KPNB1: variants seen among roughly 807,000 people sequenced by gnomAD.
KPNB1 encodes importin subunit beta-1.
Under a neutral mutation model 113.0 loss-of-function variants are expected in KPNB1, and 7 were observed. The ratio of observed to expected loss-of-function variants is 0.06; its 90% CI spans 0.04 to 0.12. The LOEUF (loss-of-function observed/expected upper bound fraction) is 0.12, where lower values mean the gene tolerates loss of function less well. KPNB1 is among the 10% of genes least tolerant of loss of function. KPNB1 has a pLI of 1.00. For synonymous variants in KPNB1, 363 were observed against 378.6 expected, an observed-to-expected ratio of 0.96 and a Z score of 0.48; for missense variants, 400 against 1,054.8, an observed-to-expected ratio of 0.38 and a Z score of 8.60.
At chr17:47,666,687 C>T (rs1001547794) in intron 9 of KPNB1, among the ~76,000 whole-genome samples, 6 of 149,066 alleles carry the variant, frequency 4.0e-5, no homozygotes, top group African/African-American at 9.9e-5. Context: ...GGTGCGACCT[C>T]GGCTCACTGT....
intron 19 of KPNB1, 133 bp from the exon 20 acceptor site, chr17:47,679,887 C>T (rs1379712597): frequency 3.3e-6 from 2 of 613,036 alleles, no homozygotes; most frequent in South Asian, 1.8e-5. Flanking sequence ...TTAGTAGAGA[C>T]GGGGTTTCAC....
Position 47,677,055 on chromosome 17 carries a change from G to A in KPNB1, c.2031G>A (p.Leu677=). 1 of 1,614,062 alleles carries A rather than the reference G, an allele frequency of 6.2e-7. No homozygotes were observed. The highest frequency in any genetic ancestry group is 8.5e-7 in the Non-Finnish European group (1 of 1,180,010). Residue 677 remains leucine, a synonymous_variant, in exon 17 of 22, where the codon TTG becomes TTA. Coordinates refer to ENST00000290158, the MANE Select transcript of KPNB1 (RefSeq NM_002265.6). ...CAGCTGTGGGCTTAGTGGGAGACTT[G>A]TGCCGTGCCCTGCAATCCAACATCA... ...CLAAVGLVGD[L]CRALQSNIIP...
At chr17:47,658,292 C>G (rs1198467153) in intron 4 of KPNB1, among the ~76,000 whole-genome samples, 2 of 152,058 alleles carry the variant, frequency 1.3e-5, no homozygotes, top group South Asian at 2.1e-4. Context: ...ATACCTAATT[C>G]AATGTAAATG....
chr17:47,666,129 G>A (rs2030259857), intron 9 of KPNB1, among the ~76,000 whole-genome samples: 1 of 151,714 alleles, frequency 6.6e-6, no homozygotes, highest in South Asian at 2.1e-4. Flanking sequence ...TCTTGGCTCA[G>A]TGCACCCTCT....
At chr17:47,655,316 T>C (rs938022839) in intron 3 of KPNB1, among the ~76,000 whole-genome samples, 10 of 152,202 alleles carry the variant, frequency 6.6e-5, no homozygotes, top group African/African-American at 1.9e-4. Context: ...GTGGTTACCA[T>C]GTCAAGCGAG....
chr17:47,674,804 G>A (rs1256361679), intron 15 of KPNB1, 22 bp downstream of exon 15: 1 of 1,593,490 alleles, frequency 6.3e-7, no homozygotes, highest in African/African-American at 1.3e-5. Flanking sequence ...ATACTGTCTG[G>A]TCAGGGAATG....
chr17:47,650,381 C>T lies in KPNB1; in HGVS notation c.41-5C>T, dbSNP rs775171792. Reference sequence around the variant, plus strand: ...CCGCTCCGTCTCCCACTTTCCTCCCCCTAGATCGGCTGGAGCTGGAAGCGG... The same window carrying T: ...CCGCTCCGTCTCCCACTTTCCTCCCTCTAGATCGGCTGGAGCTGGAAGCGG... On this transcript the variant is annotated splice_polypyrimidine_tract_variant and splice_region_variant and intron_variant, in intron 1 of 21. Coordinates refer to ENST00000290158, the MANE Select transcript of KPNB1 (RefSeq NM_002265.6). 3.7e-6 allele frequency: 6 copies of T among 1,611,934 alleles called. No individual in the cohort carries two copies. In the African/African-American group the frequency reaches 8.0e-5, roughly 22 times the overall value.
rs1439448098 is a variant in KPNB1 at position 47,683,837 on chromosome 17, T to C, written c.*1433T>C. 1 of 152,556 alleles carries C rather than the reference T, an allele frequency of 6.6e-6. No homozygotes were observed. The highest frequency in any genetic ancestry group is 6.6e-5 in the Admixed American group (1 of 15,262). The allele number at this position is 152,556 out of a possible 1,614,324, so 9.5% of individuals were successfully genotyped here. ...CCACTGAAGTTGAAGGTTAATAAAA[T>C]GGTGTCAAACGTCCCCTGGTCACAC... On this transcript the variant is annotated 3_prime_UTR_variant, in exon 22 of 22. Transcript: ENST00000290158.
Position 47,650,016 on chromosome 17 carries a change from TC to T in KPNB1, c.-224del, listed in dbSNP as rs949067100. The stretch of plus-strand genomic sequence containing the variant: ...CGCTCTGAGCTGCCCCCAGGGTCCC[TC>T]CCCCGCCGCCAGCAGCCCATTTGGA... On this transcript the variant is annotated 5_prime_UTR_variant, in exon 1 of 22. Coordinates refer to ENST00000290158, the MANE Select transcript of KPNB1 (RefSeq NM_002265.6). 7.9e-5 allele frequency: 107 copies of T among 1,361,890 alleles called. No homozygotes were observed. Among genetic ancestry groups the T allele is most frequent in the Non-Finnish European group, 9.7e-5 (103 of 1,063,264 alleles). The allele number at this position is 1,361,890 out of a possible 1,614,324, so 84.4% of individuals were successfully genotyped here. A position where few individuals can be genotyped will look rare whatever the true frequency, so the allele number is the denominator to read the frequency against.
At chr17:47,656,731 TAGTG>T in intron 3 of KPNB1, 125 bp from the exon 4 acceptor site, 2 of 872,356 alleles carry the variant, frequency 2.3e-6, no homozygotes, top group Non-Finnish European at 3.6e-6. Flanking sequence ...CCGGGCAACA[TAGTG>T]AGACCCTGTC....
chr17:47,660,511 C>G (rs1188160186), intron 5 of KPNB1, among the ~76,000 whole-genome samples: 1 of 152,108 alleles, frequency 6.6e-6, no homozygotes, highest in Non-Finnish European at 1.5e-5. Flanking sequence ...GAAAGTATTT[C>G]TGTATATATG....
intron 3 of KPNB1, among the ~76,000 whole-genome samples, chr17:47,654,577 T>C (rs1355134267): frequency 6.6e-6 from 1 of 152,168 alleles, no homozygotes; most frequent in African/African-American, 2.4e-5. Context: ...AATCTGGATA[T>C]TGGGGCACAA....
At chr17:47,653,547 T>G (rs879688474) in intron 3 of KPNB1, among the ~76,000 whole-genome samples, 4 of 152,190 alleles carry the variant, frequency 2.6e-5, no homozygotes, top group Non-Finnish European at 4.4e-5. Context: ...TGGCTGTTGT[T>G]GTTTTTAAAT....
Position 47,683,119 on chromosome 17 carries a change from A to AC in KPNB1, c.*716dup, listed in dbSNP as rs1491329923. 8.2e-5 allele frequency: 11 copies of AC among 133,718 alleles called. No individual in the cohort carries two copies. The highest frequency in any genetic ancestry group is 1.8e-4 in the Non-Finnish European group (11 of 62,848). 8.3% of individuals were successfully genotyped at this position (133,718 alleles called of 1,614,324 possible). ...AAAAAAAAAAAAAAAAAAAAAAAAA[A>AC]CACACACACAGAGGAAAGACGCTCT... On this transcript the variant is annotated 3_prime_UTR_variant, in exon 22 of 22. Coordinates refer to ENST00000290158, the MANE Select transcript of KPNB1 (RefSeq NM_002265.6).
At chr17:47,673,297 T>C (rs1275211727) in intron 13 of KPNB1, 132 bp downstream of exon 13, 2 of 1,018,754 alleles carry the variant, frequency 2.0e-6, no homozygotes, top group African/African-American at 1.6e-5. Context: ...ATAAAGCTTA[T>C]ACAAAAAACA....
chr17:47,676,807 C>CT (rs10649330), intron 16 of KPNB1, among the ~76,000 whole-genome samples: 54,018 of 116,212 alleles, frequency 0.46, 12,619 homozygotes, highest in African/African-American at 0.53. Context: ...GAGAGCAAGG[C>CT]TTTTTTTTTT....
chr17:47,672,319 T>G (rs2030475369), intron 12 of KPNB1, among the ~76,000 whole-genome samples: 1 of 151,890 alleles, frequency 6.6e-6, no homozygotes. Flanking sequence ...AAAAAAAATC[T>G]TCCATTTAAC....
Position 47,668,527 on chromosome 17 carries a change from T to C in KPNB1, c.1224+117T>C, listed in dbSNP as rs2030357611. On this transcript the variant is annotated intron_variant, in intron 10 of 21. Coordinates refer to ENST00000290158, the MANE Select transcript of KPNB1 (RefSeq NM_002265.6). ...GTCATCTACAAAGATTATCTCTAGA[T>C]ACTTGTTTACTTTTAATGAGGGTAA... 3.9e-6 allele frequency: 3 copies of C among 766,268 alleles called. No individual in the cohort carries two copies. The African/African-American group carries it at 5.3e-5, about 13-fold the overall frequency. 47.5% of individuals were successfully genotyped at this position (766,268 alleles called of 1,614,324 possible). A position where few individuals can be genotyped will look rare whatever the true frequency, so the allele number is the denominator to read the frequency against.
chr17:47,656,766 A>C lies in KPNB1; in HGVS notation c.283-94A>C, dbSNP rs1055528506. 4.8e-6 allele frequency: 6 copies of C among 1,245,946 alleles called. No homozygotes were observed. The African/African-American group carries it at 9.0e-5, about 19-fold the overall frequency. The allele number at this position is 1,245,946 out of a possible 1,614,324, so 77.2% of individuals were successfully genotyped here. A position where few individuals can be genotyped will look rare whatever the true frequency, so the allele number is the denominator to read the frequency against. ...CTGTCTTAAGAAAGAAAGAAAAAAA[A>C]GAATTCAGAGACACTAATATAAGTA... On this transcript the variant is annotated intron_variant, in intron 3 of 21. Transcript: ENST00000290158.
Sources: allele counts gnomAD v4.1 joint callset (sites outside exome capture counted in the v4.1 genomes callset), GRCh38; gene constraint gnomAD v4.1.1; transcripts MANE v1.5; gene names NCBI Gene and HGNC (gene_info 2026-07-23, HGNC 2026-07-21).